Variants in ROBO2 observed in about 807,000 individuals in gnomAD.
The protein encoded by ROBO2 is roundabout homolog 2.
Under a neutral mutation model 160.8 loss-of-function variants are expected in ROBO2, and 53 were observed. The observed-to-expected ratio is 0.33, with a 90% CI of 0.26 to 0.41. The LOEUF is 0.41. Among genes scored for constraint, ROBO2 ranks in the 10% least tolerant of loss-of-function variants. The pLI, the probability that ROBO2 is intolerant of heterozygous loss-of-function variation, is 1.00. For missense variants in ROBO2, 1,577 were observed against 1,722.4 expected (o/e 0.92, Z 1.49); for synonymous variants, 664 against 611.7 (o/e 1.09, Z -1.26).
At chr3:76,981,565 T>G (rs2060099073) in intron 2 of ROBO2, among the ~76,000 whole-genome samples, 1 of 152,256 alleles carries the variant, frequency 6.6e-6, no homozygotes, top group Admixed American at 6.5e-5. Context: ...AGGTATAAGT[T>G]ATCAGATTTG....
chr3:77,491,967 C>A (rs568552197), intron 4 of ROBO2, among the ~76,000 whole-genome samples: 1 of 152,052 alleles, frequency 6.6e-6, no homozygotes. Flanking sequence ...TTGATTTAGT[C>A]AATAAAATCA....
At chr3:76,611,152 G>A (rs1033324372) in intron 2 of ROBO2, among the ~76,000 whole-genome samples, 2 of 152,042 alleles carry the variant, frequency 1.3e-5, no homozygotes, top group Non-Finnish European at 2.9e-5. Flanking sequence ...AGGGTAGGAC[G>A]GGGTTAGAAG....
intron 2 of ROBO2, among the ~76,000 whole-genome samples, chr3:76,992,728 A>G (rs2060758505): frequency 6.6e-6 from 1 of 152,050 alleles, no homozygotes; most frequent in Admixed American, 6.6e-5. Context: ...TCTGAGTCAC[A>G]AGAAATGGTA....
intron 2 of ROBO2, among the ~76,000 whole-genome samples, chr3:76,281,349 T>C (rs1400694870): frequency 1.3e-5 from 2 of 152,006 alleles, no homozygotes; most frequent in East Asian, 3.9e-4. Context: ...TATGGGTATA[T>C]GCATGTTTTT....
intron 2 of ROBO2, among the ~76,000 whole-genome samples, chr3:76,089,907 A>G (rs2069161665): frequency 1.3e-5 from 2 of 152,138 alleles, no homozygotes; most frequent in Non-Finnish European, 2.9e-5. Context: ...AGATGACATG[A>G]TTGTTGACAT....
At chr3:76,793,115 C>T (rs1047019667) in intron 2 of ROBO2, among the ~76,000 whole-genome samples, 5 of 151,602 alleles carry the variant, frequency 3.3e-5, no homozygotes, top group Non-Finnish European at 7.4e-5. Context: ...CCCAAATTTT[C>T]CCATATATAG....
chr3:76,432,827 T>C (rs759686347), intron 2 of ROBO2, among the ~76,000 whole-genome samples: 3 of 149,578 alleles, frequency 2.0e-5, no homozygotes, highest in African/African-American at 5.0e-5. Context: ...TTTGAGGCTA[T>C]TACAGTGAGA....
At chr3:77,555,320 CCT>C (rs925948856) in intron 8 of ROBO2, among the ~76,000 whole-genome samples, 3 of 151,872 alleles carry the variant, frequency 2.0e-5, no homozygotes, top group Non-Finnish European at 4.4e-5. Context: ...CTACAATACC[CCT>C]GAGATATGCC....
intron 2 of ROBO2, among the ~76,000 whole-genome samples, chr3:76,488,459 A>T (rs975394658): frequency 5.3e-5 from 8 of 151,952 alleles, no homozygotes; most frequent in Admixed American, 3.9e-4. Context: ...GTTAGAGAAG[A>T]CCTGCCGTTG....
exon 2 of ROBO2, chr3:77,098,162 A>G (rs1447553448): frequency 6.2e-7 from 1 of 1,614,160 alleles, no homozygotes; most frequent in Admixed American, 1.7e-5. Flanking sequence ...ATGGGGAGCG[A>G]GTGGAGACTG....
intron 2 of ROBO2, among the ~76,000 whole-genome samples, chr3:76,769,235 G>T (rs1396095355): frequency 1.3e-5 from 2 of 151,404 alleles, no homozygotes; most frequent in Non-Finnish European, 3.0e-5. Flanking sequence ...AATATATGTA[G>T]AACAACAGTT....
intron 2 of ROBO2, among the ~76,000 whole-genome samples, chr3:76,031,684 A>G (rs1305508606): frequency 6.6e-6 from 1 of 151,934 alleles, no homozygotes; most frequent in Non-Finnish European, 1.5e-5. Flanking sequence ...TGCATATGTT[A>G]AACCAGCCTT....
intron 2 of ROBO2, among the ~76,000 whole-genome samples, chr3:76,227,542 G>A (rs1298019425): frequency 6.6e-6 from 1 of 152,150 alleles, no homozygotes; most frequent in East Asian, 1.9e-4. Flanking sequence ...ATCAGGATCA[G>A]CCTTATAGCT....
intron 7 of ROBO2, among the ~76,000 whole-genome samples, chr3:77,549,479 C>T (rs2092832396): frequency 6.6e-6 from 1 of 151,904 alleles, no homozygotes; most frequent in Non-Finnish European, 1.5e-5. Flanking sequence ...TATAATAGTA[C>T]ACATTTTATA....
intron 2 of ROBO2, among the ~76,000 whole-genome samples, chr3:75,964,007 A>G: frequency 6.6e-6 from 1 of 151,872 alleles, no homozygotes; most frequent in South Asian, 2.1e-4. Context: ...ATTTCACCGT[A>G]TGAATTTGGG....
At chr3:76,789,716 C>T (rs939358168) in intron 2 of ROBO2, among the ~76,000 whole-genome samples, 3 of 151,594 alleles carry the variant, frequency 2.0e-5, no homozygotes, top group African/African-American at 4.8e-5. Context: ...AAGAGCATAA[C>T]GCAAATTGAA....
chr3:77,333,445 A>T (rs867568770), intron 2 of ROBO2, among the ~76,000 whole-genome samples: 9 of 152,348 alleles, frequency 5.9e-5, no homozygotes, highest in African/African-American at 2.2e-4. Context: ...AGAAGCTTTT[A>T]AGTGAAAAGA....
intron 2 of ROBO2, among the ~76,000 whole-genome samples, chr3:76,085,797 G>A (rs1315737045): frequency 1.3e-5 from 2 of 152,210 alleles, no homozygotes; most frequent in African/African-American, 4.8e-5. Context: ...ACAACTCTGA[G>A]AATTAAAAAC....
chr3:76,310,671 C>T (rs1490989238), intron 2 of ROBO2, among the ~76,000 whole-genome samples: 2 of 152,176 alleles, frequency 1.3e-5, no homozygotes, highest in African/African-American at 2.4e-5. Context: ...CCTGAATCCT[C>T]GTCTATCCAC....
Sources: gnomAD v4.1 joint callset for allele counts (sites outside exome capture counted in the v4.1 genomes callset) on GRCh38, gnomAD v4.1.1 for gene constraint, MANE v1.5 for transcripts, NCBI Gene and HGNC (gene_info 2026-07-23, HGNC 2026-07-21) for gene names.